The following ESRRG variants were observed in gnomAD, a reference collection of about 807,000 sequenced individuals.
ESRRG encodes estrogen related receptor gamma, also known as estrogen-related receptor gamma.
In ESRRG, 13 loss-of-function variants were observed where a neutral mutation model predicts 44.0. The observed-to-expected ratio is 0.30, with a 90% CI of 0.19 to 0.47. The LOEUF is 0.47. Among genes scored for constraint, ESRRG ranks in the 20% least tolerant of loss-of-function variants. ESRRG has a pLI of 1.00. For synonymous variants in ESRRG, 215 were observed against 214.6 expected (o/e 1.00, Z -0.02); for missense variants, 395 against 580.6 (o/e 0.68, Z 3.29).
chr1:216,747,273 T>A (rs1044371081), intron 2 of ESRRG, among the ~76,000 whole-genome samples: 1 of 152,160 alleles, frequency 6.6e-6, no homozygotes, highest in South Asian at 2.1e-4. Context: ...ATTACCCGCA[T>A]CCCACCAGGC....
chr1:216,970,768 C>G (rs1045376205), intron 1 of ESRRG, among the ~76,000 whole-genome samples: 3 of 152,140 alleles, frequency 2.0e-5, no homozygotes, highest in Non-Finnish European at 4.4e-5. Flanking sequence ...AATGTCCTTT[C>G]AATTGCTTAG....
chr1:217,047,981 A>T (rs1248467021), intron 1 of ESRRG, among the ~76,000 whole-genome samples: 1 of 152,200 alleles, frequency 6.6e-6, no homozygotes, highest in East Asian at 1.9e-4. Context: ...TAGCAGACCA[A>T]GAAATATGTG....
At chr1:216,915,148 A>G (rs1420910237) in intron 2 of ESRRG, among the ~76,000 whole-genome samples, 1 of 152,166 alleles carries the variant, frequency 6.6e-6, no homozygotes, top group African/African-American at 2.4e-5. Flanking sequence ...TGACTGCCAG[A>G]GATTGCCACA....
chr1:216,999,349 G>C (rs1480111209), intron 1 of ESRRG, among the ~76,000 whole-genome samples: 1 of 152,156 alleles, frequency 6.6e-6, no homozygotes, highest in East Asian at 1.9e-4. Flanking sequence ...TAAATCAAAA[G>C]AGCCACTCTT....
intron 1 of ESRRG, among the ~76,000 whole-genome samples, chr1:217,105,348 A>G (rs2092576551): frequency 6.6e-6 from 1 of 152,210 alleles, no homozygotes; most frequent in African/African-American, 2.4e-5. Flanking sequence ...TAACATCACA[A>G]TAATCCTACA....
chr1:216,666,639 T>C (rs1479899868), intron 2 of ESRRG, among the ~76,000 whole-genome samples: 1 of 152,162 alleles, frequency 6.6e-6, no homozygotes, highest in African/African-American at 2.4e-5. Flanking sequence ...TCAAAACAAA[T>C]AGTCATCAGA....
At chr1:216,895,808 C>T (rs1346973628) in intron 2 of ESRRG, among the ~76,000 whole-genome samples, 1 of 152,144 alleles carries the variant, frequency 6.6e-6, no homozygotes, top group Non-Finnish European at 1.5e-5. Flanking sequence ...TTTTCTCCTT[C>T]CCTTTTTCTT....
chr1:217,121,108 G>T (rs1378966831), intron 1 of ESRRG, among the ~76,000 whole-genome samples: 1 of 132,910 alleles, frequency 7.5e-6, no homozygotes, highest in Non-Finnish European at 1.6e-5. Flanking sequence ...GCTGTGTCGG[G>T]TCTTGAAGAA....
rs528875136 is a variant in ESRRG at position 216,767,277 on chromosome 1, A to G, written c.-13-89786T>C. Among the ~76,000 whole-genome samples, 4 of 152,210 alleles carry G rather than the reference A, an allele frequency of 2.6e-5. No homozygotes were observed. The East Asian group carries it at 7.7e-4, about 29-fold the overall frequency. On this transcript the variant is annotated intron_variant, in intron 2 of 7. Transcript: ENST00000359162. ...AAAAGAAAGGACAAAAAACACACAC[A>G]CACACACGCAAAGGAGTGGGTATTG...
chr1:216,724,030 A>AAAC (rs1553543344), upstream of ESRRG, among the ~76,000 whole-genome samples: 131 of 152,274 alleles, frequency 8.6e-4, 1 homozygote, highest in African/African-American at 3.0e-3. Flanking sequence ...TGGGCATTAA[A>AAAC]AATAATAATA....
rs576713530 is a variant in ESRRG at position 216,505,001 on chromosome 1, C to A, written c.*1938G>T. The A allele has an allele frequency of 2.0e-5, 3 of 152,636 alleles. 1 individual carries two copies. The South Asian group carries it at 6.2e-4, about 32-fold the overall frequency. The allele number at this position is 152,636 out of a possible 1,614,324, so 9.5% of individuals were successfully genotyped here. ...GCACACACCACAAGAATCCAAACAC[C>A]ACAAGAACAAGACAACAGTCTTTGA... is the stretch of plus-strand genomic sequence containing the variant. On this transcript the variant is annotated 3_prime_UTR_variant, in exon 7 of 7. Transcript: ENST00000408911.
intron 3 of ESRRG, among the ~76,000 whole-genome samples, chr1:216,621,761 C>T (rs1036376024): frequency 6.6e-6 from 1 of 152,176 alleles, no homozygotes; most frequent in Non-Finnish European, 1.5e-5. Context: ...ACTGATTTTC[C>T]TCATGAAGTG....
intron 3 of ESRRG, among the ~76,000 whole-genome samples, chr1:216,643,432 A>G (rs1038285485): frequency 6.6e-6 from 1 of 152,182 alleles, no homozygotes; most frequent in Non-Finnish European, 1.5e-5. Context: ...TTAGGTCAGC[A>G]CTGTTAATCT....
Position 216,506,859 on chromosome 1 carries a change from T to C in ESRRG, c.*80A>G, listed in dbSNP as rs186983451. On this transcript the variant is annotated 3_prime_UTR_variant, in exon 7 of 7. Coordinates refer to ENST00000408911, the MANE Select transcript of ESRRG (RefSeq NM_001438.4). ...TGATTTTTGATGTTGTTAACTAAAC[T>C]CTAAGTTTCTTCGACATCACTCTTG... The C allele has an allele frequency of 3.7e-3, 5,603 of 1,498,764 alleles. 12 individuals are homozygous for C. Among genetic ancestry groups the C allele is most frequent in the Non-Finnish European group, 4.5e-3 (5,045 of 1,109,366 alleles). The allele number at this position is 1,498,764 out of a possible 1,614,324, so 92.8% of individuals were successfully genotyped here. A position where few individuals can be genotyped will look rare whatever the true frequency, so the allele number is the denominator to read the frequency against.
intron 2 of ESRRG, among the ~76,000 whole-genome samples, chr1:216,846,928 T>C (rs2095760019): frequency 6.8e-6 from 1 of 146,412 alleles, no homozygotes; most frequent in South Asian, 2.1e-4. Flanking sequence ...AGAAAGCAAG[T>C]TTCCAGGAGT....
chr1:217,098,908 C>A (rs1382675099), intron 1 of ESRRG, among the ~76,000 whole-genome samples: 1 of 152,198 alleles, frequency 6.6e-6, no homozygotes, highest in Non-Finnish European at 1.5e-5. Flanking sequence ...TTAGGGAGGA[C>A]TACCTATGTC....
intron 2 of ESRRG, among the ~76,000 whole-genome samples, chr1:216,920,824 G>GTCAC (rs1208181802): frequency 6.6e-6 from 1 of 152,198 alleles, no homozygotes; most frequent in East Asian, 1.9e-4. Context: ...GCATGAAAAG[G>GTCAC]TCACTATTAC....
At chr1:217,127,852 C>T (rs2092911811) in intron 1 of ESRRG, among the ~76,000 whole-genome samples, 1 of 152,176 alleles carries the variant, frequency 6.6e-6, no homozygotes, top group African/African-American at 2.4e-5. Context: ...CACACTAAAG[C>T]TTCCATTTTT....
At chr1:216,973,203 A>G (rs975780722) in intron 1 of ESRRG, among the ~76,000 whole-genome samples, 3 of 152,162 alleles carry the variant, frequency 2.0e-5, no homozygotes, top group Non-Finnish European at 4.4e-5. Context: ...TCAAAATCCT[A>G]TAAATGGTTT....
Sources: gnomAD v4.1 joint callset for allele counts (sites outside exome capture counted in the v4.1 genomes callset) on GRCh38, gnomAD v4.1.1 for gene constraint, MANE v1.5 for transcripts, NCBI Gene and HGNC (gene_info 2026-07-23, HGNC 2026-07-21) for gene names.